ZNF616: variants seen among roughly 807,000 people sequenced by gnomAD.
The protein encoded by ZNF616 is zinc finger protein 616.
A neutral mutation model predicts 7.6 loss-of-function variants in ZNF616; 5 were observed. The observed-to-expected ratio is 0.66, with a 90% confidence interval of 0.34 to 1.38. ZNF616 has a LOEUF of 1.38. Ranked by LOEUF, ZNF616 falls within the 40% of genes most tolerant of loss-of-function variation. ZNF616 has a pLI of 0.04. For synonymous variants in ZNF616, 319 were observed against 317.2 expected (o/e 1.01, Z -0.06); for missense variants, 913 against 948.3 (o/e 0.96, Z 0.49).
In ZNF616 at chr19:52,113,476, G is replaced by A. The variant is rs2088788576; in HGVS notation, c.*1342C>T. The A allele has an allele frequency of 6.6e-6, 1 of 152,096 alleles. No individual in the cohort carries two copies. Among genetic ancestry groups the A allele is most frequent in the Admixed American group, 6.6e-5 (1 of 15,252 alleles). The allele number at this position is 152,096 out of a possible 1,614,324, so 9.4% of individuals were successfully genotyped here. ...TGGTTTTGTCTCACTTTAAGTTCTG[G>A]GTACATGTGCACAATTTGCAAATTT... On this transcript the variant is annotated 3_prime_UTR_variant, in exon 4 of 4. Transcript: ENST00000600228.
chr19:52,133,474 A>T (rs543297294), intron 1 of ZNF616, among the ~76,000 whole-genome samples: 2 of 152,286 alleles, frequency 1.3e-5, no homozygotes, highest in East Asian at 3.9e-4. Flanking sequence ...GTTCACAGGT[A>T]AACGGGTCAT....
In ZNF616 at chr19:52,116,624, A is replaced by C. The variant is rs769761856; in HGVS notation, c.540T>G (p.Ile180Met). 1.9e-5 allele frequency: 31 copies of C among 1,613,936 alleles called. No individual in the cohort carries two copies. The highest frequency in any genetic ancestry group is 2.6e-5 in the Non-Finnish European group (31 of 1,179,942). The change falls in exon 4 of 4, where the codon ATT becomes ATG. Residue 180 changes from isoleucine to methionine, a missense_variant. Ile to Met is a conservative substitution (Grantham distance 10). Transcript: ENST00000600228. ...GNNGCLVSPH[I>M]REKTYVCNEC... ...CATTACATACATACGTTTTTTCCCT[A>C]ATGTGTGGAGAAACTAAACAACCAT...
At chr19:52,128,618 T>A (rs2088930103) in intron 2 of ZNF616, among the ~76,000 whole-genome samples, 1 of 151,894 alleles carries the variant, frequency 6.6e-6, no homozygotes, top group Admixed American at 6.6e-5. Flanking sequence ...GGTGCATGCC[T>A]GTGGTCCCAG....
At chr19:52,136,415 C>T (rs941562389) in intron 1 of ZNF616, among the ~76,000 whole-genome samples, 4 of 151,930 alleles carry the variant, frequency 2.6e-5, no homozygotes, top group Non-Finnish European at 5.9e-5. Context: ...CGCCATTGCA[C>T]TCCAGCCTGG....
At chr19:52,136,685 C>T (rs1381513677) in intron 1 of ZNF616, among the ~76,000 whole-genome samples, 3 of 152,046 alleles carry the variant, frequency 2.0e-5, no homozygotes, top group African/African-American at 7.2e-5. Context: ...GGATGTTCTT[C>T]AAAATATTCA....
chr19:52,130,804 G>A (rs187794286), intron 1 of ZNF616, among the ~76,000 whole-genome samples: 5 of 152,250 alleles, frequency 3.3e-5, no homozygotes, highest in African/African-American at 1.2e-4. Context: ...CACACAGGCT[G>A]CAGCAGTGTG....
In ZNF616 at chr19:52,115,924, A is replaced by G. The variant is rs1380807505; in HGVS notation, c.1240T>C (p.Cys414Arg). 3 of 1,614,082 alleles carry G rather than the reference A, an allele frequency of 1.9e-6. No individual in the cohort carries two copies. The highest frequency in any genetic ancestry group is 2.5e-6 in the Non-Finnish European group (3 of 1,180,038). ...TVEKPCKCNE[C>R]GKVFSKRSSL... is the part of the protein sequence containing the mutation. ...GAACGTTTACTGAAGACCTTGCCAC[A>G]TTCATTGCATTTGCAAGGTTTCTCT... The change falls in exon 4 of 4, where the codon TGT becomes CGT. Residue 414 changes from cysteine to arginine, a missense_variant. Cys to Arg is a radical substitution (Grantham distance 180, BLOSUM62 -3). Coordinates refer to ENST00000600228, the MANE Select transcript of ZNF616 (RefSeq NM_178523.5).
Position 52,114,451 on chromosome 19 carries a change from G to A in ZNF616, c.*367C>T, listed in dbSNP as rs913531616. On this transcript the variant is annotated 3_prime_UTR_variant, in exon 4 of 4. Transcript: ENST00000600228. The stretch of plus-strand genomic sequence containing the variant: ...GGCTCATATTTCTGAAGGCTTAAAT[G>A]AAAACATGGTGCTGGCATCTGATCA... 1 of 183,782 alleles carries A rather than the reference G, an allele frequency of 5.4e-6. No homozygotes were observed. Among genetic ancestry groups the A allele is most frequent in the African/African-American group, 2.3e-5 (1 of 42,580 alleles). The allele number at this position is 183,782 out of a possible 1,614,324, so 11.4% of individuals were successfully genotyped here.
chr19:52,113,120 G>A lies in ZNF616; in HGVS notation c.*1698C>T, dbSNP rs149697137. On this transcript the variant is annotated 3_prime_UTR_variant, in exon 4 of 4. Transcript: ENST00000600228. The stretch of plus-strand genomic sequence containing the variant: ...ATGTAATATTTTATAAACTGAATGA[G>A]CCATTTTCACACATGCACTTGCTCC... The A allele has an allele frequency of 7.2e-5, 11 of 152,264 alleles. No homozygotes were observed. Among genetic ancestry groups the A allele is most frequent in the African/African-American group, 2.6e-4 (11 of 41,560 alleles). The allele number at this position is 152,264 out of a possible 1,614,324, so 9.4% of individuals were successfully genotyped here.
chr19:52,115,301 A>G lies in ZNF616; in HGVS notation c.1863T>C (p.Asn621=). The G allele has an allele frequency of 6.2e-7, 1 of 1,613,530 alleles. No individual in the cohort carries two copies. The highest frequency in any genetic ancestry group is 1.1e-5 in the South Asian group (1 of 91,050). ...GKAFNQGSTL[N]RHQRIHTGEK... is the part of the protein sequence containing the mutation. ...CTCCGGTATGAATTCTCTGATGTCT[A>G]TTGAGTGTGGAGCCCTGATTAAAGG... The change falls in exon 4 of 4, where the codon AAT becomes AAC. Residue 621 remains asparagine (N), a synonymous_variant. Coordinates refer to ENST00000600228, the MANE Select transcript of ZNF616 (RefSeq NM_178523.5).
intron 1 of ZNF616, among the ~76,000 whole-genome samples, chr19:52,135,666 C>T (rs1370378575): frequency 6.6e-6 from 1 of 151,702 alleles, no homozygotes; most frequent in Non-Finnish European, 1.5e-5. Context: ...TTCAGCTGAC[C>T]CTTGAACAAT....
chr19:52,120,030 CAAT>C (rs2088854144), intron 3 of ZNF616, among the ~76,000 whole-genome samples: 1 of 152,064 alleles, frequency 6.6e-6, no homozygotes, highest in African/African-American at 2.4e-5. Context: ...GATAGTACAA[CAAT>C]GTTAAGGAGA....
chr19:52,121,591 T>G (rs879507982), intron 3 of ZNF616, among the ~76,000 whole-genome samples: 7 of 152,102 alleles, frequency 4.6e-5, no homozygotes, highest in Admixed American at 1.3e-4. Context: ...TAGAACAGAA[T>G]AGGGAACCCA....
chr19:52,115,915 C>A lies in ZNF616; in HGVS notation c.1249G>T (p.Val417Phe). 1 of 1,614,180 alleles carries A rather than the reference C, an allele frequency of 6.2e-7. No individual in the cohort carries two copies. Among genetic ancestry groups the A allele is most frequent in the Non-Finnish European group, 8.5e-7 (1 of 1,180,038 alleles). ...GCAAGACTTGAACGTTTACTGAAGA[C>A]CTTGCCACATTCATTGCATTTGCAA... ...KPCKCNECGK[V>F]FSKRSSLAVH... The change falls in exon 4 of 4, where the codon GTC becomes TTC. Residue 417 changes from valine (V) to phenylalanine (F), a missense_variant. Physicochemically the swap from Val to Phe is conservative, Grantham distance 50. Transcript: ENST00000600228.
At chr19:52,123,852 A>C in intron 3 of ZNF616, 71 bp downstream of exon 3, 1 of 1,597,348 alleles carries the variant, frequency 6.3e-7, no homozygotes, top group Non-Finnish European at 8.5e-7. Flanking sequence ...GGGGTTCCCA[A>C]GAAAGACAAC....
Position 52,116,400 on chromosome 19 carries a change from T to C in ZNF616, c.764A>G (p.Tyr255Cys). 3 of 1,614,134 alleles carry C rather than the reference T, an allele frequency of 1.9e-6. No individual in the cohort carries two copies. The highest frequency in any genetic ancestry group is 2.5e-6 in the Non-Finnish European group (3 of 1,180,000). The change falls in exon 4 of 4, where the codon TAT becomes TGT. Residue 255 changes from tyrosine (Y) to cysteine (C), a missense_variant. Coordinates refer to ENST00000600228, the MANE Select transcript of ZNF616 (RefSeq NM_178523.5). ...VCGKIFRKNS[Y>C]FVRHQRSHTG... ...GTGACTCCTTTGGTGTCTTACAAAA[T>C]ATGAATTTTTTCTGAAGATCTTGCC...
intron 1 of ZNF616, among the ~76,000 whole-genome samples, chr19:52,137,053 G>A (rs62107530): frequency 1.4e-5 from 2 of 143,712 alleles, no homozygotes; most frequent in African/African-American, 2.6e-5. Context: ...TTATGTATGT[G>A]TATATATATA....
At chr19:52,119,954 A>G (rs1452903337) in intron 3 of ZNF616, among the ~76,000 whole-genome samples, 1 of 152,226 alleles carries the variant, frequency 6.6e-6, no homozygotes, top group Non-Finnish European at 1.5e-5. Flanking sequence ...ATTTGATAAC[A>G]GCCATGAAGA....
At chr19:52,133,179 AAAT>A (rs2122170611) in intron 1 of ZNF616, among the ~76,000 whole-genome samples, 1 of 152,312 alleles carries the variant, frequency 6.6e-6, no homozygotes, top group African/African-American at 2.4e-5. Context: ...CGGAGAGTAT[AAAT>A]AAGATTTCAG....
Sources: gnomAD v4.1 joint callset for allele counts (sites outside exome capture counted in the v4.1 genomes callset) on GRCh38, gnomAD v4.1.1 for gene constraint, MANE v1.5 for transcripts, NCBI Gene and HGNC (gene_info 2026-07-23, HGNC 2026-07-21) for gene names.